SNURF: variants seen among roughly 807,000 people sequenced by gnomAD.
The protein encoded by SNURF is SNRPN upstream open reading frame.
Under a neutral mutation model 11.6 loss-of-function variants are expected in SNURF, and 6 were observed. The observed-to-expected ratio is 0.52, with a 90% CI of 0.28 to 1.02. SNURF has a LOEUF of 1.02. SNURF is among the 50% of genes least tolerant of loss of function. SNURF has a pLI of 0.09. For missense variants in SNURF, 84 were observed against 88.4 expected (o/e 0.95, Z 0.20); for synonymous variants, 29 against 31.6 (o/e 0.92, Z 0.27).
chr15:24,956,790 G>T (rs2062997418), intron 1 of SNURF, among the ~76,000 whole-genome samples: 1 of 152,172 alleles, frequency 6.6e-6, no homozygotes. Context: ...GAGGACTGGA[G>T]GGGAATGTGG....
intron 1 of SNURF, chr15:24,958,919 T>C (rs2074321481): frequency 2.6e-5 from 4 of 153,222 alleles, no homozygotes; most frequent in South Asian, 2.1e-4. Flanking sequence ...GGTCTCCTTA[T>C]GTTGCCCAGA....
intron 3 of SNURF, chr15:24,974,757 C>G (rs2153683757): frequency 1.6e-6 from 1 of 610,472 alleles, no homozygotes; most frequent in East Asian, 2.7e-5. Context: ...CAGGGTTTCA[C>G]TGTGTTGGCC....
At position 24,956,659 on chromosome 15, in the gene SNURF, G is replaced by C. The variant is rs551070372; in HGVS notation, c.14+1597G>C. ...GAATGGCAGCCCTCCCCTTCACCTG[G>C]CTGATACAGCAGCTGTTCCTTTCCG... On this transcript the variant is annotated intron_variant, in intron 1 of 2. Transcript: ENST00000577949. Among the ~76,000 whole-genome samples the C allele has an allele frequency of 2.0e-5, 3 of 152,330 alleles. No homozygotes were observed. The East Asian group carries it at 5.8e-4, about 29-fold the overall frequency.
rs552258294 is a variant in SNURF, at chr15:24,967,467, C to A, written c.111-465C>A. On this transcript the variant is annotated intron_variant, in intron 2 of 2. Transcript: ENST00000577949. The stretch of plus-strand genomic sequence containing the variant: ...TCAGCCTGGCCAACATGGTGAAACC[C>A]CATCTCTACTAAAAATACAAAAAAA... 1.2e-3 allele frequency among the ~76,000 whole-genome samples: 180 copies of A among 151,986 alleles called. 1 individual carries two copies. Among genetic ancestry groups the A allele is most frequent in the African/African-American group, 4.2e-3 (176 of 41,434 alleles).
At chr15:24,969,050 T>G (rs2153597956), downstream of SNURF, among the ~76,000 whole-genome samples, 1 of 152,316 alleles carries the variant, frequency 6.6e-6, no homozygotes, top group Non-Finnish European at 1.5e-5. Context: ...CTTCTAGCCT[T>G]TTTTTAAGTC....
downstream of SNURF, among the ~76,000 whole-genome samples, chr15:24,972,083 C>A (rs1032886543): frequency 1.3e-4 from 19 of 151,910 alleles, no homozygotes; most frequent in African/African-American, 4.1e-4. Context: ...TAGCGAAATT[C>A]CTTCTCTGCT....
chr15:24,967,828 A>AT (rs1487371463), intron 2 of SNURF, 104 bp from the exon 3 acceptor site: 22 of 819,790 alleles, frequency 2.7e-5, no homozygotes, highest in African/African-American at 7.2e-5. Context: ...AAAAAAAAAA[A>AT]GGAATATCTT....
At chr15:24,975,689 T>C (rs544701174) in intron 4 of SNURF, among the ~76,000 whole-genome samples, 1 of 152,352 alleles carries the variant, frequency 6.6e-6, no homozygotes, top group African/African-American at 2.4e-5. Flanking sequence ...ATCTGAACTC[T>C]TTTAAGTTTG....
rs944251857 is a variant in SNURF at position 24,956,267 on chromosome 15, T to TG, written c.14+1210dup. 9.3e-5 allele frequency among the ~76,000 whole-genome samples: 14 copies of TG among 150,066 alleles called. No individual in the cohort carries two copies. The Admixed American group carries it at 9.4e-4, about 10-fold the overall frequency. On this transcript the variant is annotated intron_variant, in intron 1 of 2. Transcript: ENST00000577949. ...CTTGGAAGGCTATGTCGAAATAACCTGGGGGTCTGTGTTGCGTCACTGCCA... is the reference window on the plus strand; with the variant it reads ...CTTGGAAGGCTATGTCGAAATAACCTGGGGGGTCTGTGTTGCGTCACTGCCA...
At chr15:24,978,626 A>T, downstream of SNURF, 1 of 636,966 alleles carries the variant, frequency 1.6e-6, no homozygotes, top group Non-Finnish European at 2.8e-6. Flanking sequence ...TTTTGATGAG[A>T]TCTTAAGTTA....
chr15:24,964,113 CTATT>C (rs2075271032), intron 2 of SNURF, among the ~76,000 whole-genome samples: 1 of 150,628 alleles, frequency 6.6e-6, no homozygotes, highest in Non-Finnish European at 1.5e-5. Flanking sequence ...TTATTTTTTC[CTATT>C]TATTTTGCCG....
At chr15:24,977,705 CTCATTTATT>C in intron 6 of SNURF, 1 of 1,380,098 alleles carries the variant, frequency 7.2e-7, no homozygotes, top group Non-Finnish European at 9.7e-7. Flanking sequence ...GGTCATTTTT[CTCATTTATT>C]TTCTGTGTTT....
At chr15:24,967,836 C>G in intron 2 of SNURF, 96 bp from the exon 3 acceptor site, 84 of 671,264 alleles carry the variant, frequency 1.3e-4, no homozygotes, top group Non-Finnish European at 1.8e-4. Flanking sequence ...AAAGGAATAT[C>G]TTCTTAAATG....
Position 24,975,574 on chromosome 15 carries a change from G to A in SNURF, c.*197+65G>A, listed in dbSNP as rs1596337077. On this transcript the variant is annotated intron_variant and NMD_transcript_variant, in intron 4 of 6. Coordinates refer to the SNURF transcript ENST00000580062. ...CAGTGGGAAGGGAAGGCCAGAGCTGGAGTAAGGGATTTCCGAGGGTAACTG... is the reference window on the plus strand; with the variant it reads ...CAGTGGGAAGGGAAGGCCAGAGCTGAAGTAAGGGATTTCCGAGGGTAACTG... 8.7e-6 allele frequency: 12 copies of A among 1,375,822 alleles called. No individual in the cohort carries two copies. In the South Asian group the frequency reaches 1.3e-4, roughly 15 times the overall value. The allele number at this position is 1,375,822 out of a possible 1,614,324, so 85.2% of individuals were successfully genotyped here.
At chr15:24,962,141 A>G (rs2074937317) in exon 2 of SNURF, 2 of 1,614,192 alleles carry the variant, frequency 1.2e-6, no homozygotes, top group Non-Finnish European at 8.5e-7. Flanking sequence ...GACGAACTAC[A>G]GAACAGCACG....
chr15:24,963,681 G>T (rs1163388657), intron 2 of SNURF, among the ~76,000 whole-genome samples: 3 of 151,752 alleles, frequency 2.0e-5, no homozygotes, highest in Admixed American at 6.6e-5. Context: ...CAAATTAAAG[G>T]TTTTTCCTCA....
chr15:24,957,396 T>C (rs1276560058), intron 1 of SNURF, among the ~76,000 whole-genome samples: 3 of 152,228 alleles, frequency 2.0e-5, no homozygotes, highest in African/African-American at 4.8e-5. Context: ...TTACTGTCTT[T>C]TTTTGGATTT....
intron 2 of SNURF, among the ~76,000 whole-genome samples, chr15:24,964,987 T>C (rs2075399547): frequency 6.6e-6 from 1 of 152,190 alleles, no homozygotes; most frequent in Non-Finnish European, 1.5e-5. Flanking sequence ...GAGTAAAGTG[T>C]AGAGTTAGGG....
chr15:24,976,710 T>A (rs778320812), intron 5 of SNURF, among the ~76,000 whole-genome samples: 30 of 152,368 alleles, frequency 2.0e-4, no homozygotes, highest in Admixed American at 1.1e-3. Flanking sequence ...GTGCATTTTA[T>A]ACACAAGATA....
Sources: gnomAD v4.1 joint callset for allele counts (sites outside exome capture counted in the v4.1 genomes callset) on GRCh38, gnomAD v4.1.1 for gene constraint, MANE v1.5 for transcripts, NCBI Gene and HGNC (gene_info 2026-07-23, HGNC 2026-07-21) for gene names.